The following PCSK2 variants were observed in gnomAD, a reference collection of about 807,000 sequenced individuals.
PCSK2 encodes proprotein convertase subtilisin/kexin type 2, also known as neuroendocrine convertase 2.
PCSK2 carries 14 observed loss-of-function variants against 69.7 expected under a neutral mutation model. The ratio of observed to expected loss-of-function variants is 0.20; its 90% CI spans 0.13 to 0.31. The LOEUF is 0.31. PCSK2 is among the 10% of genes least tolerant of loss of function. The pLI is 1.00. For missense variants in PCSK2, 544 were observed against 842.5 expected, an observed-to-expected ratio of 0.65 and a Z score of 4.39; for synonymous variants, 307 against 320.7, an observed-to-expected ratio of 0.96 and a Z score of 0.46.
chr20:17,324,580 T>A (rs773476299), intron 2 of PCSK2, among the ~76,000 whole-genome samples: 1 of 152,154 alleles, frequency 6.6e-6, no homozygotes, highest in Non-Finnish European at 1.5e-5. Flanking sequence ...CTGCAGACCC[T>A]AGCCCACCTT....
intron 2 of PCSK2, among the ~76,000 whole-genome samples, chr20:17,338,174 G>GC (rs1270326910): frequency 1.4e-5 from 2 of 144,434 alleles, no homozygotes; most frequent in Non-Finnish European, 3.0e-5. Flanking sequence ...TTTTTTTTGG[G>GC]GGGGGGGGTT....
chr20:17,292,839 T>C (rs1988744455), intron 2 of PCSK2, among the ~76,000 whole-genome samples: 1 of 152,112 alleles, frequency 6.6e-6, no homozygotes, highest in South Asian at 2.1e-4. Flanking sequence ...TTTTTTATTT[T>C]TGTTTGAGAG....
At chr20:17,355,255 G>A (rs981625267) in intron 2 of PCSK2, among the ~76,000 whole-genome samples, 2 of 152,178 alleles carry the variant, frequency 1.3e-5, no homozygotes, top group African/African-American at 4.8e-5. Context: ...AATCTGATGT[G>A]AGTATTTTTG....
chr20:17,354,425 G>A (rs2030125089), intron 2 of PCSK2, among the ~76,000 whole-genome samples: 1 of 152,172 alleles, frequency 6.6e-6, no homozygotes, highest in Non-Finnish European at 1.5e-5. Context: ...AGGAGGAAGA[G>A]AGAATAAGTC....
intron 8 of PCSK2, among the ~76,000 whole-genome samples, chr20:17,450,436 A>G (rs948259400): frequency 2.6e-5 from 4 of 152,198 alleles, no homozygotes; most frequent in African/African-American, 9.7e-5. Context: ...AGTCCCTGGC[A>G]TGTAGTAAGT....
chr20:17,389,831 G>T (rs1425686581), intron 5 of PCSK2, among the ~76,000 whole-genome samples: 1 of 152,120 alleles, frequency 6.6e-6, no homozygotes, highest in Non-Finnish European at 1.5e-5. Context: ...ATGTCAAATG[G>T]TGCAATCCCT....
chr20:17,467,751 C>T (rs2033126372), intron 11 of PCSK2, among the ~76,000 whole-genome samples: 1 of 152,172 alleles, frequency 6.6e-6, no homozygotes, highest in Non-Finnish European at 1.5e-5. Context: ...TGTTTTTCCT[C>T]CGCAGGCTGC....
At chr20:17,336,906 A>G (rs774960860) in intron 2 of PCSK2, among the ~76,000 whole-genome samples, 10 of 152,158 alleles carry the variant, frequency 6.6e-5, no homozygotes, top group Non-Finnish European at 1.5e-4. Context: ...AATTGGTTAT[A>G]CCCTTGGAAA....
At chr20:17,400,680 TA>T (rs2031615559) in intron 5 of PCSK2, among the ~76,000 whole-genome samples, 1 of 152,192 alleles carries the variant, frequency 6.6e-6, no homozygotes, top group African/African-American at 2.4e-5. Flanking sequence ...CAAAGTACTG[TA>T]AAAAGACCCT....
chr20:17,279,088 A>T (rs1988207593), intron 2 of PCSK2, among the ~76,000 whole-genome samples: 1 of 152,138 alleles, frequency 6.6e-6, no homozygotes, highest in African/African-American at 2.4e-5. Context: ...TATCCCAGGA[A>T]TTCCCTGTTG....
intron 1 of PCSK2, among the ~76,000 whole-genome samples, chr20:17,227,773 C>T (rs1402104058): frequency 6.6e-6 from 1 of 152,168 alleles, no homozygotes; most frequent in Non-Finnish European, 1.5e-5. Flanking sequence ...GGATGCTGTC[C>T]GAGGTACCAA....
intron 2 of PCSK2, among the ~76,000 whole-genome samples, chr20:17,330,764 C>T (rs1227225323): frequency 6.6e-6 from 1 of 152,140 alleles, no homozygotes; most frequent in African/African-American, 2.4e-5. Context: ...TGAGGCTGGA[C>T]CAGCAGCTAA....
In PCSK2 at chr20:17,260,245, C is replaced by T. The variant is rs763114109; in HGVS notation, c.183C>T (p.Pro61=). The T allele has an allele frequency of 1.9e-6, 3 of 1,609,534 alleles. No individual in the cohort carries two copies. Among genetic ancestry groups the T allele is most frequent in the Admixed American group, 3.3e-5 (2 of 60,016 alleles). ...GTCTACTTGACTCTCCACAGCTTCC[C>T]TTTGCTGAAGGTCTGTACCACTTTT... ...AEHGFGVRKL[P]FAEGLYHFYH... The change falls in exon 2 of 12, where the codon CCC becomes CCT. Residue 61 remains proline, a synonymous_variant. Coordinates refer to ENST00000262545, the MANE Select transcript of PCSK2 (RefSeq NM_002594.5).
At chr20:17,403,392 A>C (rs1194169613) in intron 5 of PCSK2, among the ~76,000 whole-genome samples, 1 of 152,252 alleles carries the variant, frequency 6.6e-6, no homozygotes, top group Non-Finnish European at 1.5e-5. Flanking sequence ...TTACTTGAGG[A>C]AAATCAAAAT....
At chr20:17,447,883 T>G (rs2032731847) in intron 8 of PCSK2, among the ~76,000 whole-genome samples, 1 of 152,218 alleles carries the variant, frequency 6.6e-6, no homozygotes, top group Non-Finnish European at 1.5e-5. Context: ...CCAAGAAAGT[T>G]GATCTATTTT....
intron 2 of PCSK2, among the ~76,000 whole-genome samples, chr20:17,309,643 C>T (rs986818840): frequency 6.6e-6 from 1 of 152,052 alleles, no homozygotes; most frequent in Non-Finnish European, 1.5e-5. Flanking sequence ...CATGGTGAAA[C>T]CCCGTCTCTA....
intron 5 of PCSK2, among the ~76,000 whole-genome samples, chr20:17,375,017 T>C (rs1937461951): frequency 6.6e-6 from 1 of 152,146 alleles, no homozygotes; most frequent in African/African-American, 2.4e-5. Flanking sequence ...ATATCAAACA[T>C]CTTTGAACCT....
chr20:17,334,528 G>T (rs183056141), intron 2 of PCSK2, among the ~76,000 whole-genome samples: 13 of 152,266 alleles, frequency 8.5e-5, no homozygotes, highest in African/African-American at 3.1e-4. Context: ...TTACGGGGGG[G>T]CAATGAGTCC....
chr20:17,360,386 C>A, intron 3 of PCSK2, 146 bp from the exon 4 acceptor site: 1 of 539,198 alleles, frequency 1.9e-6, no homozygotes, highest in South Asian at 2.9e-5. Flanking sequence ...GGGAGGGACA[C>A]CCAAAAGTAC....
Sources: allele counts gnomAD v4.1 joint callset (sites outside exome capture counted in the v4.1 genomes callset), GRCh38; gene constraint gnomAD v4.1.1; transcripts MANE v1.5; gene names NCBI Gene and HGNC (gene_info 2026-07-23, HGNC 2026-07-21).